Variants in LRRC37A2 observed in about 807,000 individuals in gnomAD.
LRRC37A2 encodes the protein leucine rich repeat containing 37 member A2, also known as leucine-rich repeat-containing protein 37A2.
In LRRC37A2, 9 loss-of-function variants were observed where a neutral mutation model predicts 68.8. That is an observed-to-expected ratio of 0.13 (90% CI 0.08 to 0.23). The LOEUF (loss-of-function observed/expected upper bound fraction) is 0.23, where lower values mean the gene tolerates loss of function less well. Among genes scored for constraint, LRRC37A2 ranks in the 10% least tolerant of loss-of-function variants. LRRC37A2 has a pLI of 1.00. For missense variants in LRRC37A2, 168 were observed against 950.4 expected (o/e 0.18, Z 10.82); for synonymous variants, 63 against 367.6 (o/e 0.17, Z 9.48).
chr17:47,028,099 A>T, the LRRC37A2 span, among the ~76,000 whole-genome samples: 1 of 152,238 alleles, frequency 6.6e-6, no homozygotes, highest in Non-Finnish European at 1.5e-5. Flanking sequence ...TATCTAATGC[A>T]CCACGTGTGC....
At chr17:46,941,018 G>A in the LRRC37A2 span, 3 of 1,110,666 alleles carry the variant, frequency 2.7e-6, no homozygotes, top group Non-Finnish European at 3.3e-6. Flanking sequence ...GGAGGCGGGG[G>A]TGAATTCTTA....
chr17:46,896,476 GAC>G, the LRRC37A2 span, among the ~76,000 whole-genome samples: 1 of 128,524 alleles, frequency 7.8e-6, no homozygotes, highest in African/African-American at 4.3e-5. Context: ...AAGAAAGAAA[GAC>G]AGACCAAGGC....
At chr17:46,944,771 T>C in the LRRC37A2 span, among the ~76,000 whole-genome samples, 1 of 152,088 alleles carries the variant, frequency 6.6e-6, no homozygotes, top group East Asian at 1.9e-4. Flanking sequence ...GGCTAATTTT[T>C]GTATTTTTAG....
the LRRC37A2 span, among the ~76,000 whole-genome samples, chr17:46,971,880 C>A: frequency 7.9e-5 from 12 of 152,342 alleles, no homozygotes; most frequent in East Asian, 1.7e-3. Flanking sequence ...CTGTTGGGCA[C>A]CTCTCCCTCC....
chr17:46,596,065 ATCT>A, the LRRC37A2 span, among the ~76,000 whole-genome samples: 1 of 65,308 alleles, frequency 1.5e-5, no homozygotes, highest in African/African-American at 9.8e-5. Context: ...CATGTATGAC[ATCT>A]TCTTTATCCA....
At chr17:47,029,051 C>T in the LRRC37A2 span, among the ~76,000 whole-genome samples, 3 of 151,994 alleles carry the variant, frequency 2.0e-5, no homozygotes, top group South Asian at 2.1e-4. Flanking sequence ...TGGTGGCGGG[C>T]GCCTGTGATC....
the LRRC37A2 span, chr17:46,979,033 C>T: frequency 1.2e-5 from 16 of 1,384,880 alleles, no homozygotes; most frequent in Non-Finnish European, 1.5e-5. Context: ...GGGGTCTCGG[C>T]GCGCAGTCCC....
the LRRC37A2 span, among the ~76,000 whole-genome samples, chr17:46,871,662 G>GA: frequency 1.3e-5 from 2 of 152,104 alleles, no homozygotes; most frequent in Non-Finnish European, 2.9e-5. Context: ...TTCCAGAAGG[G>GA]AAAAAACCAA....
the LRRC37A2 span, among the ~76,000 whole-genome samples, chr17:46,853,777 A>G: frequency 2.6e-5 from 4 of 152,146 alleles, no homozygotes; most frequent in Non-Finnish European, 4.4e-5. Context: ...ATCCTCTTAC[A>G]CACTGGCTCA....
chr17:46,999,039 C>A, the LRRC37A2 span, among the ~76,000 whole-genome samples: 1 of 152,216 alleles, frequency 6.6e-6, no homozygotes, highest in African/African-American at 2.4e-5. Context: ...TCTCTTGAAG[C>A]CTGACGAGTT....
chr17:46,831,550 C>CT, the LRRC37A2 span: 1 of 152,558 alleles, frequency 6.6e-6, no homozygotes, highest in African/African-American at 2.4e-5. Context: ...CCATCAGAGG[C>CT]TTTCTTCAGG....
chr17:46,946,490 T>G, the LRRC37A2 span, among the ~76,000 whole-genome samples: 1 of 141,672 alleles, frequency 7.1e-6, no homozygotes. Context: ...GTAGGTGGCC[T>G]GGGATATTCC....
At chr17:46,922,083 C>G in the LRRC37A2 span, among the ~76,000 whole-genome samples, 1 of 152,152 alleles carries the variant, frequency 6.6e-6, no homozygotes, top group Non-Finnish European at 1.5e-5. Context: ...GGAACCAACC[C>G]AAATGTCCAA....
the LRRC37A2 span, among the ~76,000 whole-genome samples, chr17:46,690,617 A>G: frequency 9.1e-6 from 1 of 109,688 alleles, no homozygotes; most frequent in African/African-American, 3.3e-5. Flanking sequence ...GTCTCAAAAA[A>G]AAAAAAAATA....
chr17:46,418,244 CGT>C, the LRRC37A2 span, among the ~76,000 whole-genome samples: 5 of 65,852 alleles, frequency 7.6e-5, no homozygotes, highest in Admixed American at 6.7e-4. Context: ...TGCGCGCGCG[CGT>C]GTGTGAAGCC....
At chr17:47,028,351 T>C in the LRRC37A2 span, 26 of 1,494,702 alleles carry the variant, frequency 1.7e-5, no homozygotes, top group Non-Finnish European at 2.2e-5. Flanking sequence ...ATGCAGTTTT[T>C]ACATAAGTTG....
chr17:46,850,975 CAG>C, the LRRC37A2 span, among the ~76,000 whole-genome samples: 1 of 152,366 alleles, frequency 6.6e-6, no homozygotes, highest in South Asian at 2.1e-4. Context: ...CGTTTAAAAA[CAG>C]AGCGCCCTTT....
the LRRC37A2 span, chr17:47,019,061 G>A: frequency 4.9e-4 from 683 of 1,389,354 alleles, 1 homozygote; most frequent in African/African-American, 8.6e-3. Context: ...AACCCACTAC[G>A]GAGGTTGGAC....
chr17:46,843,490 C>A, the LRRC37A2 span, among the ~76,000 whole-genome samples: 1 of 152,184 alleles, frequency 6.6e-6, no homozygotes, highest in African/African-American at 2.4e-5. Flanking sequence ...ATCTCAGTTG[C>A]CATTGTCTTA....
Sources: gnomAD v4.1 joint callset for allele counts (sites outside exome capture counted in the v4.1 genomes callset) on GRCh38, gnomAD v4.1.1 for gene constraint, MANE v1.5 for transcripts, NCBI Gene and HGNC (gene_info 2026-07-23, HGNC 2026-07-21) for gene names.